TMEM26: variants seen among roughly 807,000 people sequenced by gnomAD.
TMEM26 encodes transmembrane protein 26.
Under a neutral mutation model 28.8 loss-of-function variants are expected in TMEM26, and 38 were observed. The observed-to-expected ratio is 1.32, with a 90% CI of 1.02 to 1.73. The LOEUF is 1.73. TMEM26 is among the 40% of genes most tolerant of loss of function. The pLI is 0.00. For synonymous variants in TMEM26, 227 were observed against 182.9 expected (o/e 1.24, Z -1.95); for missense variants, 518 against 447.1 (o/e 1.16, Z -1.43).
At chr10:61,422,961 C>A (rs1288001808) in intron 4 of TMEM26, among the ~76,000 whole-genome samples, 1 of 151,896 alleles carries the variant, frequency 6.6e-6, no homozygotes, top group Non-Finnish European at 1.5e-5. Context: ...CCCCTCACTG[C>A]CTAAAAATAC....
At chr10:61,449,744 A>T (rs1314575297) in intron 1 of TMEM26, among the ~76,000 whole-genome samples, 1 of 151,932 alleles carries the variant, frequency 6.6e-6, no homozygotes, top group East Asian at 1.9e-4. Flanking sequence ...GTCTATTCTA[A>T]TTTATTCCTC....
chr10:61,416,867 C>A (rs540347083), intron 4 of TMEM26, among the ~76,000 whole-genome samples: 1 of 151,932 alleles, frequency 6.6e-6, no homozygotes, highest in Non-Finnish European at 1.5e-5. Context: ...TAACCCTAGC[C>A]CTACATAAAT....
intron 1 of TMEM26, among the ~76,000 whole-genome samples, chr10:61,438,142 C>T (rs2135323301): frequency 6.6e-6 from 1 of 151,918 alleles, no homozygotes; most frequent in Admixed American, 6.6e-5. Context: ...CTTAAAAAAT[C>T]AATATTTAAT....
chr10:61,430,486 G>T (rs1043704879), intron 3 of TMEM26, among the ~76,000 whole-genome samples: 3 of 151,350 alleles, frequency 2.0e-5, no homozygotes, highest in African/African-American at 7.3e-5. Context: ...TAAAATAAAA[G>T]GTATAGGGAT....
Position 61,435,621 on chromosome 10 carries a change from C to T in TMEM26, c.270+549G>A, listed in dbSNP as rs528861006. On this transcript the variant is annotated intron_variant, in intron 2 of 5. Transcript: ENST00000399298. ...GAATTTCTATTTCACTAAGGCAGCC[C>T]GTGGGACTCCCAAAAATTAATCTCC... Among the ~76,000 whole-genome samples the T allele has an allele frequency of 2.0e-4, 30 of 152,304 alleles. No individual in the cohort carries two copies. In the South Asian group the frequency reaches 5.8e-3, roughly 29 times the overall value.
At chr10:61,442,899 C>G (rs1840116991) in intron 1 of TMEM26, among the ~76,000 whole-genome samples, 1 of 152,144 alleles carries the variant, frequency 6.6e-6, no homozygotes, top group Non-Finnish European at 1.5e-5. Flanking sequence ...AGTATTTCCT[C>G]TACCTCTCTT....
rs1341114490 is a variant in TMEM26, at chr10:61,409,942, G to A, written c.*380C>T. The stretch of plus-strand genomic sequence containing the variant: ...ATTGCAGAAAAGATCAGACGAAATA[G>A]TCTGACAATGGAGGCAAAGTTCAAA... On this transcript the variant is annotated 3_prime_UTR_variant, in exon 6 of 6. Coordinates refer to ENST00000399298, the MANE Select transcript of TMEM26 (RefSeq NM_178505.8). 1 of 198,480 alleles carries A rather than the reference G, an allele frequency of 5.0e-6. No homozygotes were observed. Among genetic ancestry groups the A allele is most frequent in the Non-Finnish European group, 1.0e-5 (1 of 96,882 alleles). The allele number at this position is 198,480 out of a possible 1,614,324, so 12.3% of individuals were successfully genotyped here. A position where few individuals can be genotyped will look rare whatever the true frequency, so the allele number is the denominator to read the frequency against.
chr10:61,440,235 G>A (rs1308188784), intron 1 of TMEM26, among the ~76,000 whole-genome samples: 1 of 151,566 alleles, frequency 6.6e-6, no homozygotes, highest in East Asian at 1.9e-4. Flanking sequence ...GTGAGACTCT[G>A]ACTCAAAAAA....
At chr10:61,450,192 T>C (rs1442647584) in intron 1 of TMEM26, among the ~76,000 whole-genome samples, 1 of 152,158 alleles carries the variant, frequency 6.6e-6, no homozygotes, top group East Asian at 1.9e-4. Context: ...AAAAAAGGCT[T>C]ATCTATATAT....
chr10:61,440,970 T>C (rs1206694100), intron 1 of TMEM26, among the ~76,000 whole-genome samples: 1 of 152,228 alleles, frequency 6.6e-6, no homozygotes, highest in Non-Finnish European at 1.5e-5. Flanking sequence ...TTAAATCATC[T>C]CTACATTACT....
chr10:61,449,927 G>A (rs551846227), intron 1 of TMEM26, among the ~76,000 whole-genome samples: 64 of 152,084 alleles, frequency 4.2e-4, no homozygotes, highest in Non-Finnish European at 7.5e-4. Flanking sequence ...TAACTTTAGT[G>A]TCCTGATAAT....
chr10:61,434,734 C>T (rs1252685618), intron 2 of TMEM26, among the ~76,000 whole-genome samples: 2 of 152,186 alleles, frequency 1.3e-5, no homozygotes, highest in African/African-American at 4.8e-5. Context: ...TTGGTACTTG[C>T]TTGTAGAATT....
At chr10:61,424,599 C>T (rs1014708960) in intron 4 of TMEM26, among the ~76,000 whole-genome samples, 3 of 151,992 alleles carry the variant, frequency 2.0e-5, no homozygotes, top group African/African-American at 7.2e-5. Context: ...TATAAAAATG[C>T]AAAGCACCTA....
rs1193225197 is a variant in TMEM26, at chr10:61,408,655, G to A, written c.*1667C>T. ...AACATGCCCTTAAAAGTTGTCAAGT[G>A]ATTTACTTCATATAAATATAATTTC... On this transcript the variant is annotated 3_prime_UTR_variant, in exon 6 of 6. Coordinates refer to ENST00000399298, the MANE Select transcript of TMEM26 (RefSeq NM_178505.8). 1 of 152,130 alleles carries A rather than the reference G, an allele frequency of 6.6e-6. No homozygotes were observed. Among genetic ancestry groups the A allele is most frequent in the Non-Finnish European group, 1.5e-5 (1 of 68,022 alleles). 9.4% of individuals were successfully genotyped at this position (152,130 alleles called of 1,614,324 possible). A position where few individuals can be genotyped will look rare whatever the true frequency, so the allele number is the denominator to read the frequency against.
chr10:61,424,333 G>A lies in TMEM26; in HGVS notation c.605+4593C>T, dbSNP rs75631526. 7.4e-3 allele frequency among the ~76,000 whole-genome samples: 1,133 copies of A among 152,100 alleles called. 6 individuals are homozygous for A. The highest frequency in any genetic ancestry group is 0.014 in the Middle Eastern group (4 of 292). Reference sequence around the variant, plus strand: ...AAGAGCATCAAAAAGAATAAAATACGTAGGAAATAGTTAAGAAAAGCAGTA... The same window carrying A: ...AAGAGCATCAAAAAGAATAAAATACATAGGAAATAGTTAAGAAAAGCAGTA... On this transcript the variant is annotated intron_variant, in intron 4 of 5. Coordinates refer to ENST00000399298, the MANE Select transcript of TMEM26 (RefSeq NM_178505.8).
intron 4 of TMEM26, among the ~76,000 whole-genome samples, chr10:61,423,787 C>A (rs1047626678): frequency 6.6e-6 from 1 of 152,016 alleles, no homozygotes; most frequent in Non-Finnish European, 1.5e-5. Context: ...CTCAGGAAGT[C>A]AAGGTTGGTT....
intron 2 of TMEM26, 39 bp downstream of exon 2, chr10:61,436,131 T>C (rs766401903): frequency 7.6e-7 from 1 of 1,307,420 alleles, no homozygotes; most frequent in South Asian, 1.3e-5. Context: ...AGTAGCTTAT[T>C]GCTGAATAGG....
intron 2 of TMEM26, among the ~76,000 whole-genome samples, 176 bp downstream of exon 2, chr10:61,435,993 GT>G (rs931377213): frequency 1.6e-4 from 24 of 151,156 alleles, no homozygotes; most frequent in East Asian, 5.8e-4. Context: ...TTTTATTGGA[GT>G]TTTTTTTTGG....
chr10:61,436,349 C>T, intron 1 of TMEM26, 101 bp from the exon 2 acceptor site: 1 of 643,446 alleles, frequency 1.6e-6, no homozygotes, highest in South Asian at 2.1e-5. Flanking sequence ...CATACTCCGA[C>T]CACATTGAGT....
Sources: allele counts gnomAD v4.1 joint callset (sites outside exome capture counted in the v4.1 genomes callset), GRCh38; gene constraint gnomAD v4.1.1; transcripts MANE v1.5; gene names NCBI Gene and HGNC (gene_info 2026-07-23, HGNC 2026-07-21).